LBHD1: variants seen among roughly 807,000 people sequenced by gnomAD.
The protein encoded by LBHD1 is LBH domain-containing protein 1.
A neutral mutation model predicts 31.1 loss-of-function variants in LBHD1; 28 were observed. The observed-to-expected ratio is 0.90, with a 90% CI of 0.67 to 1.24. The LOEUF is 1.24. Ranked by LOEUF, LBHD1 falls within the 50% of genes most tolerant of loss-of-function variation. The pLI is 0.00. For missense variants in LBHD1, 350 were observed against 323.0 expected, an observed-to-expected ratio of 1.08 and a Z score of -0.64; for synonymous variants, 105 against 116.5, an observed-to-expected ratio of 0.90 and a Z score of 0.63.
At chr11:62,665,812 CCT>C in intron 4 of LBHD1, 1 of 1,583,488 alleles carries the variant, frequency 6.3e-7, no homozygotes, top group Non-Finnish European at 8.6e-7. Context: ...GGACCTCAGG[CCT>C]CTCCGGCTGG....
chr11:62,665,056 C>A (rs1944757335), intron 4 of LBHD1, 83 bp from the exon 5 acceptor site: 2 of 1,575,200 alleles, frequency 1.3e-6, no homozygotes, highest in Non-Finnish European at 1.7e-6. Context: ...CGGCCCCTCA[C>A]TGATCCCATC....
chr11:62,665,216 C>G (rs371889644), intron 4 of LBHD1: 17 of 789,020 alleles, frequency 2.2e-5, no homozygotes, highest in Middle Eastern at 2.4e-4. Context: ...CGCTCAGCGC[C>G]GGATCCGCGG....
Position 62,667,554 on chromosome 11 carries a change from A to G in LBHD1, c.507T>C (p.Tyr169=), listed in dbSNP as rs762467933. Residue 169 remains tyrosine, a synonymous_variant, in exon 4 of 7, where the codon TAT becomes TAC. Coordinates refer to ENST00000354588, the MANE Select transcript of LBHD1 (RefSeq NM_024099.5). ...SRVCRSGFVE[Y]SHLLPPNSFE... ...AGCTATTAGGAGGCAGGAGATGGGA[A>G]TATTCCACAAAGCCACTTCTACAAA... 1 of 1,614,172 alleles carries G rather than the reference A, an allele frequency of 6.2e-7. No homozygotes were observed. Among genetic ancestry groups the G allele is most frequent in the Non-Finnish European group, 8.5e-7 (1 of 1,180,026 alleles).
At chr11:62,663,935 C>T (rs1189989420) in intron 5 of LBHD1, among the ~76,000 whole-genome samples, 77 of 150,628 alleles carry the variant, frequency 5.1e-4, no homozygotes, top group African/African-American at 1.8e-3. Context: ...TAGCCGGGTG[C>T]AGTGGGGAGC....
intron 5 of LBHD1, among the ~76,000 whole-genome samples, chr11:62,663,960 C>G (rs1302762910): frequency 6.6e-6 from 1 of 150,624 alleles, no homozygotes; most frequent in African/African-American, 2.4e-5. Context: ...GTAATCCCAG[C>G]TACTCGGGAG....
At chr11:62,669,851 G>A in intron 2 of LBHD1, 31 bp downstream of exon 2, 1 of 1,614,236 alleles carries the variant, frequency 6.2e-7, no homozygotes, top group South Asian at 1.1e-5. Flanking sequence ...GGGTAAGCCA[G>A]CTGCCAGACA....
chr11:62,665,889 C>G (rs570771969), intron 4 of LBHD1: 1 of 1,613,506 alleles, frequency 6.2e-7, no homozygotes, highest in South Asian at 1.1e-5. Context: ...GATGGCCGCG[C>G]TGCGTCGAAT....
At chr11:62,665,016 G>A in intron 4 of LBHD1, 43 bp from the exon 5 acceptor site, 1 of 1,601,482 alleles carries the variant, frequency 6.2e-7, no homozygotes, top group Non-Finnish European at 8.5e-7. Context: ...TGGGCTCGCC[G>A]CGACCCGGGG....
chr11:62,671,639 C>G lies in LBHD1; in HGVS notation c.-86G>C. ...CTAGCCGGCCGCTTATCTATGGTTT[C>G]TGCTATAGGGCGCTCTAGCCTGCGC... On this transcript the variant is annotated 5_prime_UTR_variant, in exon 1 of 7. Coordinates refer to ENST00000354588, the MANE Select transcript of LBHD1 (RefSeq NM_024099.5). The G allele has an allele frequency of 3.9e-5, 58 of 1,489,972 alleles. No individual in the cohort carries two copies. Among genetic ancestry groups the G allele is most frequent in the East Asian group, 4.8e-5 (2 of 41,390 alleles). The allele number at this position is 1,489,972 out of a possible 1,614,324, so 92.3% of individuals were successfully genotyped here. A position where few individuals can be genotyped will look rare whatever the true frequency, so the allele number is the denominator to read the frequency against.
At chr11:62,665,114 G>A (rs1401135310) in intron 4 of LBHD1, 141 bp from the exon 5 acceptor site, 7 of 1,279,264 alleles carry the variant, frequency 5.5e-6, no homozygotes, top group East Asian at 2.5e-5. Flanking sequence ...ACAAAGTCGC[G>A]GCCCCCACAC....
At chr11:62,671,274 T>A (rs1442996344) in intron 1 of LBHD1, 1 of 538,114 alleles carries the variant, frequency 1.9e-6, no homozygotes, top group Admixed American at 2.3e-5. Flanking sequence ...ACTTTGAGTG[T>A]TTGTTCCAGA....
At position 62,663,014 on chromosome 11, in the gene LBHD1, G is replaced by T; in HGVS notation, c.*115C>A. On this transcript the variant is annotated 3_prime_UTR_variant, in exon 7 of 7. Coordinates refer to ENST00000354588, the MANE Select transcript of LBHD1 (RefSeq NM_024099.5). ...TCTGAAACAACCACTGAGTCTGAAG[G>T]CTGGCTCCAGTTGAGAATCTTCTAG... The T allele has an allele frequency of 6.8e-7, 1 of 1,476,566 alleles. No homozygotes were observed. Among genetic ancestry groups the T allele is most frequent in the East Asian group, 2.3e-5 (1 of 44,176 alleles). The allele number at this position is 1,476,566 out of a possible 1,614,324, so 91.5% of individuals were successfully genotyped here.
At chr11:62,667,433 G>T in intron 4 of LBHD1, 90 bp downstream of exon 4, 2 of 1,365,790 alleles carry the variant, frequency 1.5e-6, no homozygotes, top group Non-Finnish European at 2.1e-6. Context: ...CCTCATTTTT[G>T]TCACCTGTAA....
intron 5 of LBHD1, among the ~76,000 whole-genome samples, chr11:62,664,022 G>T (rs1364663194): frequency 7.0e-6 from 1 of 143,276 alleles, no homozygotes; most frequent in Non-Finnish European, 1.5e-5. Context: ...GCAGTGAGCC[G>T]AGATCATGCC....
At chr11:62,666,281 C>A in intron 4 of LBHD1, 1 of 1,090,630 alleles carries the variant, frequency 9.2e-7, no homozygotes. Context: ...CTGTACTCAA[C>A]CCTGGGTCAC....
Position 62,664,706 on chromosome 11 carries a change from C to T in LBHD1, c.663+143G>A, listed in dbSNP as rs1944746758. On this transcript the variant is annotated intron_variant, in intron 5 of 6. Coordinates refer to ENST00000354588, the MANE Select transcript of LBHD1 (RefSeq NM_024099.5). ...CAGGTATTGTGAGAGGCTATCAGAG[C>T]TTAGGAACTAACAGCCGACAGACAT... 8.1e-6 allele frequency: 9 copies of T among 1,117,218 alleles called. No individual in the cohort carries two copies. The Admixed American group carries it at 1.0e-4, about 13-fold the overall frequency. 69.2% of individuals were successfully genotyped at this position (1,117,218 alleles called of 1,614,324 possible). A position where few individuals can be genotyped will look rare whatever the true frequency, so the allele number is the denominator to read the frequency against.
intron 4 of LBHD1, chr11:62,665,929 C>T: frequency 6.2e-7 from 1 of 1,612,534 alleles, no homozygotes; most frequent in East Asian, 2.2e-5. Context: ...ATGATGGGGA[C>T]GTGCCGCCCC....
chr11:62,672,206 G>A lies in LBHD1; in HGVS notation c.-653C>T, dbSNP rs1944958054. 1 of 1,321,914 alleles carries A rather than the reference G, an allele frequency of 7.6e-7. No homozygotes were observed. Among genetic ancestry groups the A allele is most frequent in the South Asian group, 1.4e-5 (1 of 72,048 alleles). The allele number at this position is 1,321,914 out of a possible 1,614,324, so 81.9% of individuals were successfully genotyped here. A position where few individuals can be genotyped will look rare whatever the true frequency, so the allele number is the denominator to read the frequency against. ...CTTCGTGGGCCCAGCGGAGAGTCCG[G>A]ACCGAGATACCATGCCAGGACTCTC... On this transcript the variant is annotated 5_prime_UTR_variant, in exon 1 of 7. Transcript: ENST00000354588.
rs1338991507 is a variant in LBHD1 at position 62,670,054 on chromosome 11, G to A, written c.-10-13C>T. The A allele has an allele frequency of 6.3e-7, 1 of 1,592,936 alleles. No individual in the cohort carries two copies. ...CATGGTGGTGATTCTTAGAGTGCAA[G>A]ATGATTGAACTCAGAGGAGAGTACT... On this transcript the variant is annotated splice_polypyrimidine_tract_variant and intron_variant, in intron 1 of 6. Transcript: ENST00000354588.
Sources: allele counts gnomAD v4.1 joint callset (sites outside exome capture counted in the v4.1 genomes callset), GRCh38; gene constraint gnomAD v4.1.1; transcripts MANE v1.5; gene names NCBI Gene and HGNC (gene_info 2026-07-23, HGNC 2026-07-21).